Variants in PCDHA1 observed in about 807,000 individuals in gnomAD.
The protein encoded by PCDHA1 is protocadherin alpha-1.
Under a neutral mutation model 61.3 loss-of-function variants are expected in PCDHA1, and 42 were observed. The observed-to-expected ratio is 0.69, with a 90% confidence interval of 0.54 to 0.89. The LOEUF (loss-of-function observed/expected upper bound fraction) is 0.89, where lower values mean the gene tolerates loss of function less well. Ranked by LOEUF, PCDHA1 falls within the 40% of genes least tolerant of loss-of-function variation. The probability of loss-of-function intolerance (pLI) is 0.00; values close to 1 mark genes in which losing one functional copy is unlikely to be tolerated. For synonymous variants in PCDHA1, 610 were observed against 553.8 expected (o/e 1.10, Z -1.43); for missense variants, 1,256 against 1,235.3 (o/e 1.02, Z -0.25).
intron 1 of PCDHA1, chr5:140,802,246 T>C: frequency 1.2e-6 from 2 of 1,614,230 alleles, no homozygotes; most frequent in Non-Finnish European, 1.7e-6. Flanking sequence ...GTACCTGAGT[T>C]AGTTATTCAA....
intron 1 of PCDHA1, chr5:140,967,336 C>T (rs782067589): frequency 5.0e-6 from 8 of 1,607,396 alleles, no homozygotes; most frequent in Admixed American, 1.7e-5. Context: ...TCAGCCCCAG[C>T]GAGCACTTCG....
In PCDHA1 at chr5:140,982,572, C is replaced by T; in HGVS notation, c.2542+9C>T. On this transcript the variant is annotated intron_variant, in intron 3 of 3. Coordinates refer to ENST00000504120, the MANE Select transcript of PCDHA1 (RefSeq NM_018900.4). ...ATCCAGTGCAACACCAGGTAAAGAG[C>T]TGGGGTCTCTCCATTCTTTCTTGGT... is the stretch of plus-strand genomic sequence containing the variant. 4 of 1,613,760 alleles carry T rather than the reference C, an allele frequency of 2.5e-6. No homozygotes were observed. Among genetic ancestry groups the T allele is most frequent in the Non-Finnish European group, 3.4e-6 (4 of 1,179,726 alleles).
chr5:140,924,902 A>AAT (rs2082141904), intron 1 of PCDHA1, among the ~76,000 whole-genome samples: 1 of 39,026 alleles, frequency 2.6e-5, no homozygotes, highest in African/African-American at 7.6e-5. Flanking sequence ...CTCAAAAAAA[A>AAT]AAATAAAATA....
intron 1 of PCDHA1, chr5:140,851,418 C>G: frequency 1.0e-6 from 1 of 958,736 alleles, no homozygotes; most frequent in South Asian, 4.8e-5. Flanking sequence ...AGAAACTTCC[C>G]CTAAACTTTA....
chr5:140,804,869 T>A (rs1763474292), intron 1 of PCDHA1: 1 of 569,386 alleles, frequency 1.8e-6, no homozygotes, highest in Admixed American at 3.8e-5. Flanking sequence ...AAAATAGATA[T>A]TTTTCTTGAC....
In PCDHA1 at chr5:140,869,957, A is replaced by G. The variant is rs782483772; in HGVS notation, c.2394+81273A>G. The stretch of plus-strand genomic sequence containing the variant: ...GTAACATACTCCTTAATGTCAATTA[A>G]GCCCAATGGAAGACACTTATTTACA... On this transcript the variant is annotated intron_variant, in intron 1 of 3. Transcript: ENST00000504120. 4 of 1,613,040 alleles carry G rather than the reference A, an allele frequency of 2.5e-6. No homozygotes were observed. The South Asian group carries it at 4.4e-5, about 18-fold the overall frequency.
chr5:140,972,700 T>C (rs1353443535), intron 1 of PCDHA1, among the ~76,000 whole-genome samples: 3 of 147,702 alleles, frequency 2.0e-5, no homozygotes, highest in African/African-American at 7.5e-5. Context: ...AGTCTCACTC[T>C]GTTGCCAGGC....
intron 3 of PCDHA1, among the ~76,000 whole-genome samples, chr5:141,007,475 C>G (rs575810038): frequency 1.3e-5 from 2 of 151,322 alleles, no homozygotes; most frequent in Non-Finnish European, 2.9e-5. Context: ...GGCTGAGGCA[C>G]GAGAATTACT....
intron 1 of PCDHA1, chr5:140,830,035 G>T (rs2150180061): frequency 1.2e-6 from 2 of 1,613,880 alleles, no homozygotes; most frequent in South Asian, 2.2e-5. Flanking sequence ...ACCGGCTGCT[G>T]GTGCTGGTGA....
intron 3 of PCDHA1, among the ~76,000 whole-genome samples, chr5:140,992,185 C>G (rs1554252730): frequency 1.3e-5 from 2 of 152,102 alleles, no homozygotes; most frequent in African/African-American, 4.8e-5. Context: ...ATCATGCTTT[C>G]AGTGATCTAT....
At position 140,797,136 on chromosome 5, in the gene PCDHA1, G is replaced by A. The variant is rs1554120303; in HGVS notation, c.2394+8452G>A. On this transcript the variant is annotated intron_variant, in intron 1 of 3. Coordinates refer to ENST00000504120, the MANE Select transcript of PCDHA1 (RefSeq NM_018900.4). Reference sequence around the variant, plus strand: ...TGCTGTACACTGCGCTGCGGTGCTCGGTGCCACCCACCGAGGGTGCGCGCG... The same window carrying A: ...TGCTGTACACTGCGCTGCGGTGCTCAGTGCCACCCACCGAGGGTGCGCGCG... The A allele has an allele frequency of 5.6e-6, 9 of 1,613,978 alleles. No individual in the cohort carries two copies. In the Admixed American group the frequency reaches 8.3e-5, roughly 15 times the overall value.
intron 1 of PCDHA1, among the ~76,000 whole-genome samples, chr5:140,963,688 G>A (rs185853589): frequency 5.9e-5 from 9 of 152,274 alleles, no homozygotes; most frequent in Admixed American, 5.9e-4. Context: ...GTTTATCCGT[G>A]TTTGATATCT....
intron 1 of PCDHA1, chr5:140,830,206 C>G (rs2150182712): frequency 1.2e-6 from 2 of 1,613,782 alleles, no homozygotes; most frequent in Middle Eastern, 1.7e-4. Context: ...TCGCCATCTG[C>G]GCGGTATCCA....
intron 1 of PCDHA1, chr5:140,882,453 G>C: frequency 1.2e-6 from 2 of 1,614,042 alleles, no homozygotes; most frequent in South Asian, 2.2e-5. Flanking sequence ...CTGGTGCCGC[G>C]CCTGTTCCGG....
intron 1 of PCDHA1, chr5:140,842,739 A>G: frequency 6.3e-7 from 1 of 1,595,048 alleles, no homozygotes; most frequent in South Asian, 1.1e-5. Context: ...CCGGGCTGCC[A>G]CATCTTCACG....
Position 140,857,796 on chromosome 5 carries a change from C to T in PCDHA1, c.2394+69112C>T, listed in dbSNP as rs1554150678. 15 of 1,597,494 alleles carry T rather than the reference C, an allele frequency of 9.4e-6. 2 individuals are homozygous for T. The highest frequency in any genetic ancestry group is 1.7e-5 in the Admixed American group (1 of 59,248). ...GCAGTCAGTGAGCTGGTGCTGCGGT[C>T]GGTGGTTGCGGGTCACGTGGTGGCT... is the stretch of plus-strand genomic sequence containing the variant. On this transcript the variant is annotated intron_variant, in intron 1 of 3. Transcript: ENST00000504120.
Position 140,841,493 on chromosome 5 carries a change from G to A in PCDHA1, c.2394+52809G>A, listed in dbSNP as rs2150316668. On this transcript the variant is annotated intron_variant, in intron 1 of 3. Coordinates refer to ENST00000504120, the MANE Select transcript of PCDHA1 (RefSeq NM_018900.4). Reference sequence around the variant, plus strand: ...GCAGGACCTGGGGCTGGAGCTGGCGGAGCTGGTGCCGCGCCTGTTCCGGGT... The same window carrying A: ...GCAGGACCTGGGGCTGGAGCTGGCGAAGCTGGTGCCGCGCCTGTTCCGGGT... 2.5e-5 allele frequency: 41 copies of A among 1,613,108 alleles called. No homozygotes were observed. The South Asian group carries it at 4.3e-4, about 17-fold the overall frequency.
chr5:140,820,798 G>A (rs1766832615), intron 1 of PCDHA1, among the ~76,000 whole-genome samples: 1 of 152,036 alleles, frequency 6.6e-6, no homozygotes, highest in Admixed American at 6.5e-5. Flanking sequence ...ACAAAGGTAT[G>A]TATTTTACAA....
intron 1 of PCDHA1, among the ~76,000 whole-genome samples, chr5:140,792,687 G>T (rs1487227374): frequency 1.3e-5 from 2 of 152,258 alleles, no homozygotes; most frequent in Admixed American, 6.5e-5. Flanking sequence ...TGCAGAAATT[G>T]TCTCAAGCAA....
Sources: gnomAD v4.1 joint callset for allele counts (sites outside exome capture counted in the v4.1 genomes callset) on GRCh38, gnomAD v4.1.1 for gene constraint, MANE v1.5 for transcripts, NCBI Gene and HGNC (gene_info 2026-07-23, HGNC 2026-07-21) for gene names.